The following GGH variants were observed in gnomAD, a reference collection of about 807,000 sequenced individuals.
The protein encoded by GGH is gamma-glutamyl hydrolase.
GGH carries 18 observed loss-of-function variants against 39.2 expected under a neutral mutation model. That is an observed-to-expected ratio of 0.46 (90% CI 0.32 to 0.68). The LOEUF is 0.68. Among genes scored for constraint, GGH ranks in the 30% least tolerant of loss-of-function variants. GGH has a pLI of 0.04. For missense variants in GGH, 367 were observed against 384.1 expected, an observed-to-expected ratio of 0.96 and a Z score of 0.37; for synonymous variants, 147 against 138.8, an observed-to-expected ratio of 1.06 and a Z score of -0.42.
In GGH at chr8:63,035,660, C is replaced by G; in HGVS notation, c.220G>C (p.Val74Leu). 6.2e-7 allele frequency: 1 copy of G among 1,600,690 alleles called. No homozygotes were observed. The highest frequency in any genetic ancestry group is 8.5e-7 in the Non-Finnish European group (1 of 1,175,554). The change falls in exon 2 of 9, where the codon GTA becomes CTA. Residue 74 changes from valine to leucine, a missense_variant. Physicochemically the swap from Val to Leu is conservative, Grantham distance 32. Coordinates refer to ENST00000260118, the MANE Select transcript of GGH (RefSeq NM_003878.3). ...LESAGARVVP[V>L]RLDLTEKDYE... ...AAAAAAAACACTGAATCATACCTTA[C>G]TGGTACAACTCTCGCACCTGCAGAC...
intron 2 of GGH, among the ~76,000 whole-genome samples, chr8:63,030,996 C>T (rs1435541185): frequency 1.3e-5 from 2 of 152,164 alleles, no homozygotes; most frequent in East Asian, 1.9e-4. Context: ...GAAGAGAGCA[C>T]CAAGTTAGTG....
intron 2 of GGH, among the ~76,000 whole-genome samples, chr8:63,031,813 A>G (rs1463779663): frequency 6.6e-6 from 1 of 152,180 alleles, no homozygotes. Context: ...TTTGAAACAA[A>G]AGTCCCTTTC....
chr8:63,028,951 T>C (rs947703861), intron 3 of GGH, among the ~76,000 whole-genome samples: 1 of 152,220 alleles, frequency 6.6e-6, no homozygotes, highest in Non-Finnish European at 1.5e-5. Context: ...TCTTTGTCCA[T>C]GCCAAAGTAC....
intron 1 of GGH, 90 bp downstream of exon 1, chr8:63,038,570 G>T: frequency 1.6e-6 from 1 of 641,224 alleles, no homozygotes; most frequent in South Asian, 2.9e-5. Flanking sequence ...TTCCCGGCGG[G>T]ACGCGCCAGC....
chr8:63,037,776 G>C (rs1804938247), intron 1 of GGH, among the ~76,000 whole-genome samples: 1 of 152,078 alleles, frequency 6.6e-6, no homozygotes, highest in Non-Finnish European at 1.5e-5. Context: ...AATTCGTGGA[G>C]AATCAAATCA....
chr8:63,032,458 TG>T (rs1199375545), intron 2 of GGH, among the ~76,000 whole-genome samples: 1 of 152,216 alleles, frequency 6.6e-6, no homozygotes, highest in Non-Finnish European at 1.5e-5. Context: ...AGTCCCACAT[TG>T]GGCATTTATG....
At chr8:63,025,500 AGGTG>A (rs746118040) in intron 5 of GGH, among the ~76,000 whole-genome samples, 3 of 152,208 alleles carry the variant, frequency 2.0e-5, no homozygotes, top group Non-Finnish European at 2.9e-5. Context: ...TGGAAGGCCA[AGGTG>A]GGTGGATCAC....
intron 2 of GGH, among the ~76,000 whole-genome samples, chr8:63,033,395 G>A (rs1005606115): frequency 2.6e-5 from 4 of 152,190 alleles, no homozygotes; most frequent in African/African-American, 9.7e-5. Context: ...TTTCTGTGTT[G>A]AGAGGCTCTT....
chr8:63,030,144 T>G (rs1174735630), intron 3 of GGH, 23 bp downstream of exon 3: 1 of 1,134,720 alleles, frequency 8.8e-7, no homozygotes, highest in South Asian at 1.2e-5. Context: ...ATATACCGTA[T>G]GAAACCAATG....
chr8:63,025,173 G>A (rs1804661761), intron 5 of GGH: 1 of 152,102 alleles, frequency 6.6e-6, no homozygotes, highest in Non-Finnish European at 1.5e-5. Flanking sequence ...TAAAACCCTT[G>A]GAATTCCCGG....
chr8:63,031,467 G>A (rs1447774102), intron 2 of GGH, among the ~76,000 whole-genome samples: 2 of 152,104 alleles, frequency 1.3e-5, no homozygotes, highest in Non-Finnish European at 2.9e-5. Flanking sequence ...CCCAGATTGT[G>A]GCAACAAAAA....
At chr8:63,020,784 T>G (rs1450758420) in intron 7 of GGH, among the ~76,000 whole-genome samples, 1 of 152,048 alleles carries the variant, frequency 6.6e-6, no homozygotes, top group Non-Finnish European at 1.5e-5. Flanking sequence ...GGAAATAAGC[T>G]CATAAATCTA....
chr8:63,027,722 T>C (rs941721182), intron 3 of GGH, among the ~76,000 whole-genome samples: 3 of 152,152 alleles, frequency 2.0e-5, no homozygotes, highest in African/African-American at 7.2e-5. Flanking sequence ...CATAAAAATA[T>C]ATTTAAGCTA....
intron 2 of GGH, among the ~76,000 whole-genome samples, chr8:63,030,513 T>C (rs1804783613): frequency 1.3e-5 from 2 of 152,224 alleles, no homozygotes; most frequent in African/African-American, 4.8e-5. Context: ...TGGCCACCAG[T>C]AATTTCTCTA....
At chr8:63,023,526 T>C (rs1261107756) in intron 7 of GGH, 1 of 154,430 alleles carries the variant, frequency 6.5e-6, no homozygotes, top group African/African-American at 2.4e-5. Context: ...CTGAGTATCT[T>C]TATTTCTTTG....
chr8:63,017,229 T>G (rs1262563613), intron 8 of GGH: 1 of 333,086 alleles, frequency 3.0e-6, no homozygotes, highest in East Asian at 5.5e-5. Flanking sequence ...AAAAAAAAAC[T>G]CTCAACATTC....
At chr8:63,017,292 G>GT in intron 8 of GGH, 1 of 454,132 alleles carries the variant, frequency 2.2e-6, no homozygotes, top group South Asian at 4.6e-5. Context: ...GATAATTGAA[G>GT]TAACTGTCCT....
intron 5 of GGH, chr8:63,024,574 A>T (rs1804650556): frequency 6.1e-6 from 1 of 162,806 alleles, no homozygotes; most frequent in African/African-American, 2.4e-5. Flanking sequence ...AATATAACAT[A>T]TTTTCAGAGG....
intron 4 of GGH, 30 bp downstream of exon 4, chr8:63,027,151 C>T: frequency 9.9e-7 from 1 of 1,011,736 alleles, no homozygotes; most frequent in Non-Finnish European, 1.6e-6. Flanking sequence ...AGAAACCCAT[C>T]TGGAATAATA....
Sources: allele counts gnomAD v4.1 joint callset (sites outside exome capture counted in the v4.1 genomes callset), GRCh38; gene constraint gnomAD v4.1.1; transcripts MANE v1.5; gene names NCBI Gene and HGNC (gene_info 2026-07-23, HGNC 2026-07-21).